The following GRIK5 variants were observed in gnomAD, a reference collection of about 807,000 sequenced individuals.
The protein encoded by GRIK5 is glutamate receptor ionotropic, kainate 5.
GRIK5 carries 43 observed loss-of-function variants against 97.4 expected under a neutral mutation model. The ratio of observed to expected loss-of-function variants is 0.44; its 90% CI spans 0.35 to 0.57. The LOEUF (loss-of-function observed/expected upper bound fraction) is 0.57. GRIK5 is among the 20% of genes least tolerant of loss of function. GRIK5 has a pLI of 0.01. For missense variants in GRIK5, 1,015 were observed against 1,382.0 expected (o/e 0.73, Z 4.21); for synonymous variants, 580 against 583.5 (o/e 0.99, Z 0.09).
chr19:42,012,271 G>A (rs2075573399), intron 15 of GRIK5, among the ~76,000 whole-genome samples: 1 of 151,852 alleles, frequency 6.6e-6, no homozygotes, highest in Admixed American at 6.6e-5. Context: ...TTTATTTGGA[G>A]ACAGAGTCTC....
intron 8 of GRIK5, among the ~76,000 whole-genome samples, chr19:42,055,245 A>C (rs2076167505): frequency 6.6e-6 from 1 of 152,088 alleles, no homozygotes; most frequent in Non-Finnish European, 1.5e-5. Context: ...TGAAGGTCTG[A>C]GTATCTGTGT....
intron 11 of GRIK5, among the ~76,000 whole-genome samples, chr19:42,050,266 G>A (rs1322814016): frequency 6.6e-6 from 1 of 152,210 alleles, no homozygotes; most frequent in East Asian, 1.9e-4. Context: ...TTTAAAGGAG[G>A]AAACTGAGTA....
chr19:42,017,956 C>A (rs111468635), intron 15 of GRIK5, among the ~76,000 whole-genome samples: 1 of 151,954 alleles, frequency 6.6e-6, no homozygotes, highest in Non-Finnish European at 1.5e-5. Context: ...GAGGACTCAT[C>A]GCACCAAGTG....
At chr19:42,047,348 T>C (rs776027619) in intron 11 of GRIK5, among the ~76,000 whole-genome samples, 3 of 151,830 alleles carry the variant, frequency 2.0e-5, no homozygotes, top group Non-Finnish European at 4.4e-5. Context: ...AAGACCAGCC[T>C]GGGCAACATA....
intron 11 of GRIK5, among the ~76,000 whole-genome samples, chr19:42,047,189 C>G (rs2076053287): frequency 6.6e-6 from 1 of 151,842 alleles, no homozygotes; most frequent in Non-Finnish European, 1.5e-5. Flanking sequence ...TGCTCAGCCC[C>G]CTTCCCCAGT....
chr19:42,024,579 A>T (rs574649299), intron 12 of GRIK5, among the ~76,000 whole-genome samples: 2 of 151,976 alleles, frequency 1.3e-5, no homozygotes, highest in Admixed American at 6.5e-5. Context: ...GGCTGTCTTC[A>T]CTCCATACAG....
chr19:42,040,730 T>C (rs2075967677), intron 12 of GRIK5, among the ~76,000 whole-genome samples: 1 of 152,088 alleles, frequency 6.6e-6, no homozygotes, highest in African/African-American at 2.4e-5. Context: ...GTGGCGCACC[T>C]GTAATCCCAG....
chr19:42,002,460 C>T lies in GRIK5; in HGVS notation c.2514+872G>A, dbSNP rs1369836690. ...CAACCTGGACACGGGTGGAGGGCAC[C>T]TTTACTAGCAGCATGGACGGCTCCT... On this transcript the variant is annotated intron_variant, in intron 19 of 19. Coordinates refer to ENST00000593562, the MANE Select transcript of GRIK5 (RefSeq NM_002088.5). This position sits in a 1 kb window ranked among gnomAD's most constrained non-coding sequence, Gnocchi z 5.2. 4.2e-6 allele frequency: 3 copies of T among 717,636 alleles called. No homozygotes were observed. The allele number at this position is 717,636 out of a possible 1,614,324, so 44.5% of individuals were successfully genotyped here. A position where few individuals can be genotyped will look rare whatever the true frequency, so the allele number is the denominator to read the frequency against.
intron 19 of GRIK5, among the ~76,000 whole-genome samples, chr19:42,000,137 AT>A (rs1555870633): frequency 1.3e-5 from 2 of 152,254 alleles, no homozygotes; most frequent in Non-Finnish European, 1.5e-5. Context: ...GGTAAGGCCC[AT>A]AAACCACTGG....
chr19:42,009,525 T>C (rs1473331844), intron 15 of GRIK5, among the ~76,000 whole-genome samples: 1 of 151,756 alleles, frequency 6.6e-6, no homozygotes, highest in African/African-American at 2.4e-5. Context: ...CCCAGCACTT[T>C]GGGAGGCCAA....
At position 42,003,509 on chromosome 19, in the gene GRIK5, G is replaced by T; in HGVS notation, c.2392+46C>A. The T allele has an allele frequency of 6.2e-7, 1 of 1,602,802 alleles. No individual in the cohort carries two copies. The highest frequency in any genetic ancestry group is 8.5e-7 in the Non-Finnish European group (1 of 1,171,668). ...GGAGTTGGGGCTGTGTGGGAAGGGG[G>T]CTGGGAGGGGGCTATGGGAAGGGGA... On this transcript the variant is annotated intron_variant, in intron 18 of 19. Coordinates refer to ENST00000593562, the MANE Select transcript of GRIK5 (RefSeq NM_002088.5). This position sits in a 1 kb window ranked among gnomAD's most constrained non-coding sequence, Gnocchi z 4.2.
intron 1 of GRIK5, among the ~76,000 whole-genome samples, chr19:42,066,918 A>G (rs1410845629): frequency 2.0e-5 from 3 of 152,092 alleles, no homozygotes; most frequent in African/African-American, 7.2e-5. Context: ...AGTGGGTGCC[A>G]TACCACTGCC....
chr19:42,041,037 C>T (rs1302424035), intron 12 of GRIK5, among the ~76,000 whole-genome samples: 1 of 152,154 alleles, frequency 6.6e-6, no homozygotes, highest in Non-Finnish European at 1.5e-5. Flanking sequence ...CTGCCTTCAC[C>T]AGAGCAGCTC....
intron 12 of GRIK5, among the ~76,000 whole-genome samples, chr19:42,037,231 G>A (rs754116432): frequency 2.0e-5 from 3 of 152,284 alleles, no homozygotes; most frequent in South Asian, 2.1e-4. Context: ...AGGCCAAGGC[G>A]GACAGCTCAC....
chr19:42,046,739 A>G (rs1340781552), intron 11 of GRIK5, among the ~76,000 whole-genome samples: 1 of 152,206 alleles, frequency 6.6e-6, no homozygotes, highest in Non-Finnish European at 1.5e-5. Flanking sequence ...TTGTATATGC[A>G]TAGACATTTC....
Position 42,022,093 on chromosome 19 carries a change from G to T in GRIK5, c.1588-37C>A. The T allele has an allele frequency of 6.6e-7, 1 of 1,506,546 alleles. No homozygotes were observed. Among genetic ancestry groups the T allele is most frequent in the Non-Finnish European group, 9.2e-7 (1 of 1,089,892 alleles). 93.3% of individuals were successfully genotyped at this position (1,506,546 alleles called of 1,614,324 possible). A position where few individuals can be genotyped will look rare whatever the true frequency, so the allele number is the denominator to read the frequency against. ...GGGAGTGAGACCCGGAGACACCCCT[G>T]GCCTGAGCCTCACACCCAGCCCCTG... On this transcript the variant is annotated intron_variant, in intron 13 of 19. Coordinates refer to ENST00000593562, the MANE Select transcript of GRIK5 (RefSeq NM_002088.5). This position sits in a 1 kb window ranked among gnomAD's most constrained non-coding sequence, Gnocchi z 4.2.
intron 11 of GRIK5, chr19:42,043,027 C>T: frequency 3.8e-6 from 2 of 526,868 alleles, no homozygotes; most frequent in Non-Finnish European, 6.7e-6. Context: ...GTGCCAAGCT[C>T]AAATGCGTAT....
intron 11 of GRIK5, among the ~76,000 whole-genome samples, chr19:42,044,100 T>C (rs2076013898): frequency 6.6e-6 from 1 of 152,092 alleles, no homozygotes. Context: ...TCTGATGGTT[T>C]TATAATGGGC....
At chr19:42,005,035 A>G (rs1477840400) in intron 17 of GRIK5, among the ~76,000 whole-genome samples, 1 of 152,144 alleles carries the variant, frequency 6.6e-6, no homozygotes, top group Admixed American at 6.5e-5. Context: ...GCAATTTGCT[A>G]TGCAGTAATA....
Sources: allele counts gnomAD v4.1 joint callset (sites outside exome capture counted in the v4.1 genomes callset), GRCh38; gene constraint gnomAD v4.1.1; non-coding constraint Gnocchi (gnomAD v3.1); transcripts MANE v1.5; gene names NCBI Gene and HGNC (gene_info 2026-07-23, HGNC 2026-07-21).